Variants in ARHGEF3 observed in about 807,000 individuals in gnomAD.
The protein encoded by ARHGEF3 is Rho guanine nucleotide exchange factor 3, also known as 59.8 kDA protein.
Under a neutral mutation model 63.2 loss-of-function variants are expected in ARHGEF3, and 28 were observed. The observed-to-expected ratio is 0.44, with a 90% CI of 0.33 to 0.61. The LOEUF is 0.61. Ranked by LOEUF, ARHGEF3 falls within the 20% of genes least tolerant of loss-of-function variation. The probability of loss-of-function intolerance (pLI) is 0.03; values close to 1 mark genes in which losing one functional copy is unlikely to be tolerated. For synonymous variants in ARHGEF3, 266 were observed against 254.2 expected (o/e 1.05, Z -0.44); for missense variants, 533 against 659.3 (o/e 0.81, Z 2.10).
intron 4 of ARHGEF3, among the ~76,000 whole-genome samples, chr3:56,871,805 C>G (rs764354446): frequency 6.6e-6 from 1 of 152,150 alleles, no homozygotes; most frequent in Non-Finnish European, 1.5e-5. Context: ...TTCAGGGCAT[C>G]TTCAAGCTTA....
At chr3:56,848,072 G>A (rs1464604810) in intron 4 of ARHGEF3, among the ~76,000 whole-genome samples, 1 of 152,194 alleles carries the variant, frequency 6.6e-6, no homozygotes, top group Admixed American at 6.5e-5. Context: ...CAAAGAAAGG[G>A]TTGGGCTGAG....
At chr3:57,042,445 A>C (rs1704225041) in intron 1 of ARHGEF3, among the ~76,000 whole-genome samples, 1 of 151,770 alleles carries the variant, frequency 6.6e-6, no homozygotes, top group Non-Finnish European at 1.5e-5. Context: ...GCAGTGGTGG[A>C]TGAGAGCCAG....
chr3:57,026,928 T>A (rs1288129234), intron 2 of ARHGEF3, among the ~76,000 whole-genome samples: 1 of 152,218 alleles, frequency 6.6e-6, no homozygotes, highest in African/African-American at 2.4e-5. Flanking sequence ...TAGCCCAGCA[T>A]GCCCGAAAGA....
At chr3:56,843,115 A>C (rs534086764) in intron 4 of ARHGEF3, among the ~76,000 whole-genome samples, 1 of 152,326 alleles carries the variant, frequency 6.6e-6, no homozygotes, top group East Asian at 1.9e-4. Flanking sequence ...GTTTTAACTC[A>C]GAATCAATTT....
At chr3:57,038,780 A>G (rs1704062533) in intron 1 of ARHGEF3, among the ~76,000 whole-genome samples, 1 of 152,116 alleles carries the variant, frequency 6.6e-6, no homozygotes, top group Non-Finnish European at 1.5e-5. Flanking sequence ...GCCACTGCTG[A>G]CTCAGTGCCT....
In ARHGEF3 at chr3:56,856,346, C is replaced by T. The variant is rs147232678; in HGVS notation, c.192+25946G>A. Among the ~76,000 whole-genome samples the T allele has an allele frequency of 8.5e-5, 13 of 152,268 alleles. No homozygotes were observed. The East Asian group carries it at 2.5e-3, about 29-fold the overall frequency. ...TTGGAAATCCAGGCTCTTTCTCTAG[C>T]CTTTTACTCCAGAGCTTTCAAGGGC... On this transcript the variant is annotated intron_variant, in intron 4 of 12. Coordinates refer to the ARHGEF3 transcript ENST00000338458.
At chr3:56,859,673 C>T (rs1410224465) in intron 4 of ARHGEF3, among the ~76,000 whole-genome samples, 1 of 148,812 alleles carries the variant, frequency 6.7e-6, no homozygotes, top group Non-Finnish European at 1.5e-5. Flanking sequence ...GCTGGGACTA[C>T]AGGCACAAAC....
At chr3:56,868,721 T>C (rs571491360) in intron 4 of ARHGEF3, among the ~76,000 whole-genome samples, 121 of 152,228 alleles carry the variant, frequency 7.9e-4, no homozygotes, top group African/African-American at 2.9e-3. Context: ...ATAGTAAAAT[T>C]TCTTTCAAAA....
At chr3:56,980,726 C>A (rs1359658791) in intron 2 of ARHGEF3, among the ~76,000 whole-genome samples, 1 of 152,368 alleles carries the variant, frequency 6.6e-6, no homozygotes, top group East Asian at 1.9e-4. Context: ...GAAGTATGTT[C>A]TCCTACGAGT....
Position 56,753,574 on chromosome 3 carries a change from G to A in ARHGEF3, c.376-8C>T. The A allele has an allele frequency of 6.2e-7, 1 of 1,612,610 alleles. No homozygotes were observed. On this transcript the variant is annotated splice_polypyrimidine_tract_variant and splice_region_variant and intron_variant, in intron 3 of 9. Coordinates refer to ENST00000296315, the MANE Select transcript of ARHGEF3 (RefSeq NM_019555.3). ...GGAAAGCTCAAAGATCGCCTGCAAGGAAAGATAAACATATTCACTGAATTC... is the reference window on the plus strand; with the variant it reads ...GGAAAGCTCAAAGATCGCCTGCAAGAAAAGATAAACATATTCACTGAATTC...
intron 4 of ARHGEF3, among the ~76,000 whole-genome samples, chr3:56,842,623 CAA>C (rs986598197): frequency 6.6e-6 from 1 of 152,186 alleles, no homozygotes; most frequent in African/African-American, 2.4e-5. Flanking sequence ...CTGCCCCCTA[CAA>C]TCATGTAGCC....
chr3:57,062,460 C>T (rs1020792796), intron 1 of ARHGEF3, among the ~76,000 whole-genome samples: 3 of 152,074 alleles, frequency 2.0e-5, no homozygotes, highest in African/African-American at 4.8e-5. Context: ...GCGGCGGGGG[C>T]GGGGGGTGCT....
At chr3:56,841,965 T>C (rs2039323913) in intron 4 of ARHGEF3, among the ~76,000 whole-genome samples, 1 of 152,232 alleles carries the variant, frequency 6.6e-6, no homozygotes, top group South Asian at 2.1e-4. Flanking sequence ...TTTTTTCTTT[T>C]ACTAACATTT....
Position 56,910,046 on chromosome 3 carries a change from A to G in ARHGEF3, c.130-27692T>C, listed in dbSNP as rs538979382. 1.2e-4 allele frequency among the ~76,000 whole-genome samples: 19 copies of G among 152,302 alleles called. No homozygotes were observed. In the South Asian group the frequency reaches 3.9e-3, roughly 32 times the overall value. On this transcript the variant is annotated intron_variant, in intron 3 of 12. Transcript: ENST00000338458. ...ACCACCCCAGCCAACTTGCGCACTT[A>G]TAAGCATAAGAGTAAATGTTTGTTA...
chr3:56,837,829 C>G (rs930450927), intron 4 of ARHGEF3, among the ~76,000 whole-genome samples: 11 of 152,206 alleles, frequency 7.2e-5, no homozygotes, highest in African/African-American at 2.7e-4. Context: ...CCTGTGCCAT[C>G]ATGTGCACAC....
At chr3:56,736,058 ACACACACACACAC>A (rs2033604534) in intron 8 of ARHGEF3, among the ~76,000 whole-genome samples, 2 of 107,522 alleles carry the variant, frequency 1.9e-5, no homozygotes, top group South Asian at 1.1e-3. Context: ...AAACACACAC[ACACACACACACAC>A]ACACACACAC....
chr3:56,902,640 C>T (rs1258608304), intron 3 of ARHGEF3, among the ~76,000 whole-genome samples: 1 of 152,228 alleles, frequency 6.6e-6, no homozygotes, highest in East Asian at 1.9e-4. Context: ...TAGTAGAGCA[C>T]TGAAGCGGGC....
chr3:56,920,937 C>A (rs2042114085), intron 3 of ARHGEF3, among the ~76,000 whole-genome samples: 1 of 151,568 alleles, frequency 6.6e-6, no homozygotes, highest in Admixed American at 6.6e-5. Flanking sequence ...CACCTGTAGT[C>A]CCAGCTACTC....
At chr3:57,058,206 C>CG (rs1560167661) in intron 1 of ARHGEF3, among the ~76,000 whole-genome samples, 1 of 152,118 alleles carries the variant, frequency 6.6e-6, no homozygotes, top group Non-Finnish European at 1.5e-5. Flanking sequence ...TAAGGAATGC[C>CG]TGGAAATTAG....
Sources: allele counts gnomAD v4.1 joint callset (sites outside exome capture counted in the v4.1 genomes callset), GRCh38; gene constraint gnomAD v4.1.1; transcripts MANE v1.5; gene names NCBI Gene and HGNC (gene_info 2026-07-23, HGNC 2026-07-21).